The following SYNDIG1 variants were observed in gnomAD, a reference collection of about 807,000 sequenced individuals.
SYNDIG1 encodes synapse differentiation inducing 1.
In SYNDIG1, 9 loss-of-function variants were observed where a neutral mutation model predicts 19.4. The observed-to-expected ratio is 0.46, with a 90% CI of 0.28 to 0.81. The LOEUF (loss-of-function observed/expected upper bound fraction) is 0.81, where lower values mean the gene tolerates loss of function less well. Among genes scored for constraint, SYNDIG1 ranks in the 30% least tolerant of loss-of-function variants. The pLI is 0.12. For synonymous variants in SYNDIG1, 141 were observed against 145.9 expected (o/e 0.97, Z 0.24); for missense variants, 311 against 343.3 (o/e 0.91, Z 0.74).
chr20:24,661,488 G>A (rs932850551), intron 3 of SYNDIG1, among the ~76,000 whole-genome samples: 3 of 8,628 alleles, frequency 3.5e-4, no homozygotes, highest in Non-Finnish European at 4.7e-4. Flanking sequence ...GAGGGAGGAA[G>A]AAGGGAGGGA....
In SYNDIG1 at chr20:24,488,726, T is replaced by G. The variant is rs536148019; in HGVS notation, c.-79+18973T>G. On this transcript the variant is annotated intron_variant, in intron 1 of 3. Coordinates refer to ENST00000376862, the MANE Select transcript of SYNDIG1 (RefSeq NM_024893.3). ...GGCCCACGGTGTCTCATTGATGAGC[T>G]CAGTGGGACCAAGGTGTGAGTGTTT... Among the ~76,000 whole-genome samples, 8 of 152,278 alleles carry G rather than the reference T, an allele frequency of 5.3e-5. No homozygotes were observed. In the South Asian group the frequency reaches 1.7e-3, roughly 32 times the overall value.
At chr20:24,517,027 C>T (rs940978537) in intron 1 of SYNDIG1, among the ~76,000 whole-genome samples, 10 of 152,096 alleles carry the variant, frequency 6.6e-5, no homozygotes, top group Non-Finnish European at 1.5e-4. Context: ...TGGAAACCAT[C>T]ATTCTCAGCA....
chr20:24,635,890 A>T (rs1726533304), intron 3 of SYNDIG1, among the ~76,000 whole-genome samples: 1 of 152,080 alleles, frequency 6.6e-6, no homozygotes, highest in South Asian at 2.1e-4. Context: ...GGACCCTCTC[A>T]CCAGTTTATT....
intron 3 of SYNDIG1, among the ~76,000 whole-genome samples, chr20:24,657,420 G>A (rs1269227662): frequency 6.6e-6 from 1 of 152,198 alleles, no homozygotes; most frequent in Non-Finnish European, 1.5e-5. Context: ...ACCAGCAGGA[G>A]GCGGAGGGGA....
intron 3 of SYNDIG1, among the ~76,000 whole-genome samples, chr20:24,616,421 G>C (rs1268126683): frequency 6.6e-6 from 1 of 152,182 alleles, no homozygotes. Flanking sequence ...TCCCAGCTCT[G>C]CCTTTGGGGA....
In SYNDIG1 at chr20:24,581,864, C is replaced by A. The variant is rs1415974186; in HGVS notation, c.481-2992C>A. On this transcript the variant is annotated intron_variant, in intron 2 of 3. Transcript: ENST00000376862. ...CTGCACATCCTCCCTACTGCAGGTC[C>A]TCACCCCTGCAAGTCCTTCCAACTG... Among the ~76,000 whole-genome samples, 4 of 150,462 alleles carry A rather than the reference C, an allele frequency of 2.7e-5. No homozygotes were observed. In the East Asian group the frequency reaches 7.9e-4, roughly 30 times the overall value.
chr20:24,487,975 C>G (rs372694170), intron 1 of SYNDIG1, among the ~76,000 whole-genome samples: 1 of 152,168 alleles, frequency 6.6e-6, no homozygotes, highest in Non-Finnish European at 1.5e-5. Context: ...GCGGCTTCAT[C>G]AGTGACCCCA....
chr20:24,476,591 A>C (rs1469474233), intron 1 of SYNDIG1, among the ~76,000 whole-genome samples: 1 of 151,896 alleles, frequency 6.6e-6, no homozygotes, highest in Non-Finnish European at 1.5e-5. Flanking sequence ...AATGGCGTGA[A>C]CCTGGGAAGT....
intron 1 of SYNDIG1, among the ~76,000 whole-genome samples, chr20:24,479,287 G>A (rs923074532): frequency 6.6e-6 from 1 of 152,086 alleles, no homozygotes; most frequent in South Asian, 2.1e-4. Flanking sequence ...CCTTCTCCCC[G>A]AGCCCTCACC....
intron 3 of SYNDIG1, among the ~76,000 whole-genome samples, chr20:24,657,163 G>A (rs551731004): frequency 5.3e-5 from 8 of 152,214 alleles, no homozygotes; most frequent in African/African-American, 1.7e-4. Flanking sequence ...AAAGTTACTC[G>A]GCCTCAGGTA....
chr20:24,588,933 G>A (rs1305161554), intron 3 of SYNDIG1, among the ~76,000 whole-genome samples: 1 of 150,336 alleles, frequency 6.7e-6, no homozygotes, highest in Admixed American at 6.6e-5. Flanking sequence ...CTTCTCTGGG[G>A]GAGGCATCTG....
At chr20:24,517,759 GTA>G (rs373117602) in intron 1 of SYNDIG1, among the ~76,000 whole-genome samples, 5,337 of 141,670 alleles carry the variant, frequency 0.038, 339 homozygotes, top group African/African-American at 0.13. Context: ...GTGTGTGTGT[GTA>G]TATATATATA....
At chr20:24,471,335 C>A (rs111508739) in intron 1 of SYNDIG1, among the ~76,000 whole-genome samples, 1 of 152,002 alleles carries the variant, frequency 6.6e-6, no homozygotes, top group Non-Finnish European at 1.5e-5. Context: ...CTGGCGCGGA[C>A]AGGAAGAAAC....
intron 1 of SYNDIG1, among the ~76,000 whole-genome samples, chr20:24,473,892 G>A (rs945996089): frequency 6.6e-6 from 1 of 152,262 alleles, no homozygotes; most frequent in African/African-American, 2.4e-5. Context: ...GAAAAGAAAT[G>A]GTCTCAGAAA....
intron 3 of SYNDIG1, among the ~76,000 whole-genome samples, chr20:24,605,448 A>G (rs986265903): frequency 3.3e-5 from 5 of 152,076 alleles, no homozygotes; most frequent in Non-Finnish European, 7.4e-5. Context: ...CCCAGTCTGT[A>G]TCTCTGTCTC....
chr20:24,643,627 G>A (rs764544347), intron 3 of SYNDIG1, among the ~76,000 whole-genome samples: 1 of 152,196 alleles, frequency 6.6e-6, no homozygotes, highest in Non-Finnish European at 1.5e-5. Flanking sequence ...TCATAAATTT[G>A]TAATACAGTT....
intron 1 of SYNDIG1, among the ~76,000 whole-genome samples, chr20:24,541,759 G>A (rs958826325): frequency 2.0e-5 from 3 of 152,128 alleles, no homozygotes; most frequent in African/African-American, 2.4e-5. Flanking sequence ...GAGTATCATC[G>A]ACTGAGAAAA....
At chr20:24,606,414 CA>C (rs566560400) in intron 3 of SYNDIG1, among the ~76,000 whole-genome samples, 264 of 152,310 alleles carry the variant, frequency 1.7e-3, no homozygotes, top group African/African-American at 6.0e-3. Context: ...AGATATCTAG[CA>C]GATAATTACC....
chr20:24,527,434 G>A (rs1203225497), intron 1 of SYNDIG1, among the ~76,000 whole-genome samples: 3 of 151,938 alleles, frequency 2.0e-5, no homozygotes, highest in Non-Finnish European at 4.4e-5. Context: ...ATGAACAATT[G>A]TTCTATACTT....
Sources: allele counts gnomAD v4.1 joint callset (sites outside exome capture counted in the v4.1 genomes callset), GRCh38; gene constraint gnomAD v4.1.1; transcripts MANE v1.5; gene names NCBI Gene and HGNC (gene_info 2026-07-23, HGNC 2026-07-21).